The following NAGA variants were observed in gnomAD, a reference collection of about 807,000 sequenced individuals.
NAGA encodes the protein alpha-N-acetylgalactosaminidase.
Under a neutral mutation model 45.6 loss-of-function variants are expected in NAGA, and 42 were observed. The ratio of observed to expected loss-of-function variants is 0.92; its 90% CI spans 0.72 to 1.19. The LOEUF (loss-of-function observed/expected upper bound fraction) is 1.19. Among genes scored for constraint, NAGA ranks in the 50% most tolerant of loss-of-function variants. The pLI is 0.00. For missense variants in NAGA, 493 were observed against 544.8 expected (o/e 0.90, Z 0.95); for synonymous variants, 176 against 203.1 (o/e 0.87, Z 1.13).
chr22:42,061,032 C>A lies in NAGA; in HGVS notation c.993G>T (p.Leu331=), dbSNP rs147853281. The A allele has an allele frequency of 4.7e-4, 760 of 1,614,188 alleles. No individual in the cohort carries two copies. Among genetic ancestry groups the A allele is most frequent in the Non-Finnish European group, 6.1e-4 (723 of 1,180,038 alleles). The change falls in exon 8 of 9, where the codon CTG becomes CTT. Residue 331 remains leucine, a synonymous_variant. Transcript: ENST00000396398. Reference sequence around the variant, plus strand: ...AGACTAAGGCGCTAGCCTTGTTGGACAGAGGCCGCATGTACACTTCGATGA... The same window carrying A: ...AGACTAAGGCGCTAGCCTTGTTGGAAAGAGGCCGCATGTACACTTCGATGA... The part of the protein sequence containing the change: ...KSLIEVYMRP[L]SNKASALVFF...
intron 5 of NAGA, among the ~76,000 whole-genome samples, chr22:42,066,492 C>G (rs1926737073): frequency 6.6e-6 from 1 of 152,208 alleles, no homozygotes; most frequent in South Asian, 2.1e-4. Flanking sequence ...TAAGGCCCGC[C>G]ACTCCCTCCA....
intron 1 of NAGA, among the ~76,000 whole-genome samples, chr22:42,069,744 A>T (rs1926942589): frequency 6.6e-6 from 1 of 152,226 alleles, no homozygotes; most frequent in Non-Finnish European, 1.5e-5. Context: ...GAATACTGAA[A>T]CACAGGTTGT....
At chr22:42,068,648 G>T in intron 1 of NAGA, 74 bp from the exon 2 acceptor site, 1 of 1,588,876 alleles carries the variant, frequency 6.3e-7, no homozygotes, top group Non-Finnish European at 8.6e-7. Flanking sequence ...CACCCCATCT[G>T]TATGTTGCTC....
chr22:42,063,353 C>G (rs1010258770), intron 6 of NAGA, among the ~76,000 whole-genome samples: 14 of 152,080 alleles, frequency 9.2e-5, no homozygotes, highest in Non-Finnish European at 1.5e-5. Context: ...CACTACTACT[C>G]CTGCTGCCCT....
At chr22:42,066,348 C>G (rs1926729623) in intron 5 of NAGA, among the ~76,000 whole-genome samples, 1 of 152,240 alleles carries the variant, frequency 6.6e-6, no homozygotes, top group African/African-American at 2.4e-5. Flanking sequence ...CCCCACCTGC[C>G]TGGCCTCCCC....
chr22:42,067,668 C>A, intron 3 of NAGA, 97 bp downstream of exon 3: 1 of 1,081,608 alleles, frequency 9.2e-7, no homozygotes, highest in Non-Finnish European at 1.4e-6. Context: ...CCCCACTAGA[C>A]TGTGAGATCT....
intron 8 of NAGA, 40 bp downstream of exon 8, chr22:42,060,884 T>G (rs765455260): frequency 6.2e-7 from 1 of 1,613,740 alleles, no homozygotes; most frequent in African/African-American, 1.3e-5. Context: ...CACAGAAATC[T>G]GAAGCCCAGG....
In NAGA at chr22:42,062,984, C is replaced by T. The variant is rs752400262; in HGVS notation, c.800G>A (p.Arg267Gln). The T allele has an allele frequency of 1.4e-5, 22 of 1,614,218 alleles. No individual in the cohort carries two copies. In the Middle Eastern group the frequency reaches 1.3e-3, roughly 97 times the overall value. The change falls in exon 7 of 9, where the codon CGG becomes CAG. Residue 267 changes from arginine (R) to glutamine (Q), a missense_variant. Arg to Gln is a conservative substitution (Grantham distance 43, BLOSUM62 1). Coordinates refer to ENST00000396398, the MANE Select transcript of NAGA (RefSeq NM_000262.3). ...GNFGLSLEQS[R>Q]AQMALWTVLA... ...CACCGTCCACAGGGCCATCTGGGCC[C>T]GGGATTGCTCTAAGCTGAGACCAAA... is the stretch of plus-strand genomic sequence containing the variant.
At chr22:42,063,153 C>T in intron 6 of NAGA, 129 bp from the exon 7 acceptor site, 1 of 929,922 alleles carries the variant, frequency 1.1e-6, no homozygotes, top group Non-Finnish European at 1.7e-6. Flanking sequence ...GTGGAGGAGG[C>T]CTGGTTCAGC....
Position 42,065,765 on chromosome 22 carries a change from G to A in NAGA, c.732C>T (p.Gly244=), listed in dbSNP as rs1265891158. Reference sequence around the variant, plus strand: ...TGTCAGGGTCATTCCAGTGCCCAGGGCCGGCCACTGGCTGCAGTATGTCCT... The same window carrying A: ...TGTCAGGGTCATTCCAGTGCCCAGGACCGGCCACTGGCTGCAGTATGTCCT... ...EHQDILQPVA[G]PGHWNDPDML... is the part of the protein sequence containing the mutation. Residue 244 remains glycine (G), a synonymous_variant, in exon 6 of 9, where the codon GGC becomes GGT. Coordinates refer to ENST00000396398, the MANE Select transcript of NAGA (RefSeq NM_000262.3). 1 of 1,614,106 alleles carries A rather than the reference G, an allele frequency of 6.2e-7. No individual in the cohort carries two copies. Among genetic ancestry groups the A allele is most frequent in the Admixed American group, 1.7e-5 (1 of 60,030 alleles).
rs1926367241 is a variant in NAGA, at chr22:42,061,219, C to G, written c.958-152G>C. 3.6e-5 allele frequency: 34 copies of G among 950,018 alleles called. No individual in the cohort carries two copies. The South Asian group carries it at 4.6e-4, about 13-fold the overall frequency. The allele number at this position is 950,018 out of a possible 1,614,324, so 58.8% of individuals were successfully genotyped here. A position where few individuals can be genotyped will look rare whatever the true frequency, so the allele number is the denominator to read the frequency against. On this transcript the variant is annotated intron_variant, in intron 7 of 8. Coordinates refer to ENST00000396398, the MANE Select transcript of NAGA (RefSeq NM_000262.3). ...ATGCCACGGGCCTCCAGCACCCCAGCTTATCTAACCCTATCTGCCCACCTT... is the reference window on the plus strand; with the variant it reads ...ATGCCACGGGCCTCCAGCACCCCAGGTTATCTAACCCTATCTGCCCACCTT...
At position 42,065,846 on chromosome 22, in the gene NAGA, GTCA is replaced by G; in HGVS notation, c.648_650del (p.Asp217del). On this transcript the variant is annotated inframe_deletion, in exon 6 of 9. Transcript: ENST00000396398. ...GCACGCTCCACCAGGAGTCCTGGATGTCATCATAGTTACGCCAGAGGTTGCAGA... is the reference window on the plus strand; with the variant it reads ...GCACGCTCCACCAGGAGTCCTGGATGTCATAGTTACGCCAGAGGTTGCAGA... The G allele has an allele frequency of 6.2e-7, 1 of 1,614,198 alleles. No homozygotes were observed. Among genetic ancestry groups the G allele is most frequent in the Non-Finnish European group, 8.5e-7 (1 of 1,180,038 alleles).
rs1336132795 is a variant in NAGA at position 42,059,973 on chromosome 22, G to A, written c.*306C>T. 1 of 416,070 alleles carries A rather than the reference G, an allele frequency of 2.4e-6. No homozygotes were observed. Among genetic ancestry groups the A allele is most frequent in the African/African-American group, 2.0e-5 (1 of 49,370 alleles). The allele number at this position is 416,070 out of a possible 1,614,324, so 25.8% of individuals were successfully genotyped here. ...TTTCAGAGTCAACAGCAAGGTCAGAGGCTAGAGTCCTGATGGGCATGGAGC... is the reference window on the plus strand; with the variant it reads ...TTTCAGAGTCAACAGCAAGGTCAGAAGCTAGAGTCCTGATGGGCATGGAGC... On this transcript the variant is annotated 3_prime_UTR_variant, in exon 9 of 9. Coordinates refer to ENST00000396398, the MANE Select transcript of NAGA (RefSeq NM_000262.3).
At position 42,060,923 on chromosome 22, in the gene NAGA, C is replaced by T; in HGVS notation, c.1101+1G>A. 6.2e-7 allele frequency: 1 copy of T among 1,614,142 alleles called. No homozygotes were observed. Among genetic ancestry groups the T allele is most frequent in the Non-Finnish European group, 8.5e-7 (1 of 1,180,026 alleles). On this transcript the variant is annotated splice_donor_variant, in intron 8 of 8. Coordinates refer to ENST00000396398, the MANE Select transcript of NAGA (RefSeq NM_000262.3). LOFTEE classifies it high-confidence loss of function. ...GTGGCTGCAGGCAGCCGGGTGCTCACCTCATATATCACAGACCCGGTGAAG... is the reference window on the plus strand; with the variant it reads ...GTGGCTGCAGGCAGCCGGGTGCTCATCTCATATATCACAGACCCGGTGAAG...
In NAGA at chr22:42,066,747, CAGG is replaced by C; in HGVS notation, c.557_559del (p.Ser186del). The C allele has an allele frequency of 6.2e-7, 1 of 1,606,842 alleles. No homozygotes were observed. Among genetic ancestry groups the C allele is most frequent in the Non-Finnish European group, 8.5e-7 (1 of 1,177,104 alleles). ...GCCGCCTTCATAGGCTGGCCAGCTG[CAGG>C]AGAAGGCGATGGGGCGGCCTGTGGC... On this transcript the variant is annotated inframe_deletion, in exon 5 of 9. Coordinates refer to ENST00000396398, the MANE Select transcript of NAGA (RefSeq NM_000262.3).
chr22:42,070,240 C>T (rs1926973215), intron 1 of NAGA, 42 bp downstream of exon 1: 4 of 1,612,906 alleles, frequency 2.5e-6, no homozygotes, highest in Admixed American at 1.7e-5. Flanking sequence ...CCTTGTAGCA[C>T]TCACCCCTAC....
chr22:42,064,476 TAA>T (rs133365), intron 6 of NAGA, among the ~76,000 whole-genome samples: 3 of 126,086 alleles, frequency 2.4e-5, no homozygotes, highest in Non-Finnish European at 1.7e-5. Context: ...CCATCTCTAC[TAA>T]AAAAAAAAAA....
intron 7 of NAGA, among the ~76,000 whole-genome samples, chr22:42,061,497 G>A (rs1318777033): frequency 6.6e-6 from 1 of 152,216 alleles, no homozygotes; most frequent in Non-Finnish European, 1.5e-5. Flanking sequence ...AGTGGAGCTG[G>A]ATGTGAACTC....
At chr22:42,062,592 C>T (rs998949097) in intron 7 of NAGA, among the ~76,000 whole-genome samples, 2 of 152,212 alleles carry the variant, frequency 1.3e-5, no homozygotes, top group Non-Finnish European at 2.9e-5. Flanking sequence ...CACCTCTCAT[C>T]CCCGACTCCC....
Sources: allele counts gnomAD v4.1 joint callset (sites outside exome capture counted in the v4.1 genomes callset), GRCh38; gene constraint gnomAD v4.1.1; transcripts MANE v1.5; gene names NCBI Gene and HGNC (gene_info 2026-07-23, HGNC 2026-07-21).